The following BRD10 variants were observed in gnomAD, a reference collection of about 807,000 sequenced individuals.
BRD10 encodes the protein bromodomain containing 10.
At chr9:5,980,935 G>A in the BRD10 span, among the ~76,000 whole-genome samples, 1 of 152,216 alleles carries the variant, frequency 6.6e-6, no homozygotes, top group African/African-American at 2.4e-5. Flanking sequence ...AACAACAACA[G>A]TAACAACAAC....
the BRD10 span, among the ~76,000 whole-genome samples, chr9:5,990,226 A>C: frequency 6.6e-6 from 1 of 152,266 alleles, no homozygotes; most frequent in Non-Finnish European, 1.5e-5. Context: ...AACTGGCAAC[A>C]ACAGATACTG....
At chr9:5,993,944 CAAA>C in the BRD10 span, among the ~76,000 whole-genome samples, 194 of 152,124 alleles carry the variant, frequency 1.3e-3, no homozygotes, top group African/African-American at 4.2e-3. Context: ...GGAATTCTGA[CAAA>C]AAAATTTGCA....
At chr9:5,932,393 T>C in the BRD10 span, among the ~76,000 whole-genome samples, 3 of 152,104 alleles carry the variant, frequency 2.0e-5, no homozygotes, top group Non-Finnish European at 4.4e-5. Flanking sequence ...ACCCTAGGTA[T>C]CCAACCACAG....
the BRD10 span, among the ~76,000 whole-genome samples, chr9:5,907,710 C>A: frequency 6.6e-6 from 1 of 152,144 alleles, no homozygotes; most frequent in Non-Finnish European, 1.5e-5. Context: ...CCCAGCACTT[C>A]GGGAGGCCGA....
At chr9:5,950,931 G>GA in the BRD10 span, among the ~76,000 whole-genome samples, 1 of 150,968 alleles carries the variant, frequency 6.6e-6, no homozygotes, top group Non-Finnish European at 1.5e-5. Flanking sequence ...ATAATGACAA[G>GA]AAAAAAAATC....
chr9:5,966,524 A>T, the BRD10 span, among the ~76,000 whole-genome samples: 6 of 121,854 alleles, frequency 4.9e-5, no homozygotes, highest in Non-Finnish European at 9.4e-5. Flanking sequence ...CAGTGGCATG[A>T]TCTCTGCTCA....
the BRD10 span, among the ~76,000 whole-genome samples, chr9:5,914,569 A>C: frequency 1.3e-5 from 2 of 151,422 alleles, no homozygotes; most frequent in Non-Finnish European, 2.9e-5. Context: ...GACTATAGGC[A>C]CCCACCACCA....
chr9:5,917,906 T>C, the BRD10 span, among the ~76,000 whole-genome samples: 4 of 152,330 alleles, frequency 2.6e-5, no homozygotes, highest in African/African-American at 9.6e-5. Context: ...GGATTAAAGT[T>C]GGGCCATAGG....
chr9:5,994,681 T>A, the BRD10 span, among the ~76,000 whole-genome samples: 1 of 152,182 alleles, frequency 6.6e-6, no homozygotes, highest in Non-Finnish European at 1.5e-5. Flanking sequence ...ACCAATTATA[T>A]TTCTGTCTCA....
chr9:5,881,578 T>A, the BRD10 span: 1 of 152,234 alleles, frequency 6.6e-6, no homozygotes, highest in African/African-American at 2.4e-5. Context: ...GCCCTCTGCC[T>A]CTGGAACACC....
At chr9:5,956,189 C>T in the BRD10 span, among the ~76,000 whole-genome samples, 2 of 152,040 alleles carry the variant, frequency 1.3e-5, no homozygotes, top group Non-Finnish European at 2.9e-5. Context: ...CCTTGATAGT[C>T]CCATGAATTT....
the BRD10 span, among the ~76,000 whole-genome samples, chr9:5,912,217 T>G: frequency 1.8e-4 from 28 of 152,352 alleles, no homozygotes; most frequent in East Asian, 5.2e-3. Context: ...TTTTTAATGT[T>G]GATTTTGTAC....
chr9:5,908,238 A>G, the BRD10 span, among the ~76,000 whole-genome samples: 1 of 152,330 alleles, frequency 6.6e-6, no homozygotes, highest in Non-Finnish European at 1.5e-5. Flanking sequence ...TTCTGGATAC[A>G]ATATCCTCTT....
chr9:5,897,506 T>C, the BRD10 span: 1 of 1,494,048 alleles, frequency 6.7e-7, no homozygotes, highest in Non-Finnish European at 9.3e-7. Flanking sequence ...TTCATCATAA[T>C]GTAGAACAAT....
At chr9:5,919,788 G>C in the BRD10 span, 2,368 of 1,613,838 alleles carry the variant, frequency 1.5e-3, 3 homozygotes, top group South Asian at 1.7e-3. Flanking sequence ...GAGAGAGATG[G>C]AGAGAGTGAA....
chr9:5,993,042 G>A, the BRD10 span, among the ~76,000 whole-genome samples: 15 of 151,936 alleles, frequency 9.9e-5, no homozygotes, highest in African/African-American at 2.7e-4. Flanking sequence ...GAAGCCAGGC[G>A]CAGTGGCTCA....
the BRD10 span, among the ~76,000 whole-genome samples, chr9:5,884,392 C>T: frequency 6.6e-6 from 1 of 152,206 alleles, no homozygotes; most frequent in Admixed American, 6.5e-5. Flanking sequence ...GGCCTCAGGC[C>T]TGCCACTCCC....
the BRD10 span, among the ~76,000 whole-genome samples, chr9:5,907,992 G>T: frequency 2.0e-5 from 3 of 152,102 alleles, no homozygotes; most frequent in Non-Finnish European, 4.4e-5. Flanking sequence ...TAAGTGGCTT[G>T]TACCATATTT....
At chr9:5,971,723 T>A in the BRD10 span, among the ~76,000 whole-genome samples, 1 of 152,178 alleles carries the variant, frequency 6.6e-6, no homozygotes, top group African/African-American at 2.4e-5. Flanking sequence ...TAGAGTTTTA[T>A]GGAGTTTTAT....
Sources: gnomAD v4.1 joint callset for allele counts (sites outside exome capture counted in the v4.1 genomes callset) on GRCh38, gnomAD v4.1.1 for gene constraint, MANE v1.5 for transcripts, NCBI Gene and HGNC (gene_info 2026-07-23, HGNC 2026-07-21) for gene names.